Variants in SLC15A2 observed in about 807,000 individuals in gnomAD.
SLC15A2 encodes kidney H(+)/peptide cotransporter.
In SLC15A2, 77 loss-of-function variants were observed where a neutral mutation model predicts 95.5. That is an observed-to-expected ratio of 0.81 (90% CI 0.67 to 0.97). The LOEUF (loss-of-function observed/expected upper bound fraction) is 0.97. SLC15A2 is among the 50% of genes least tolerant of loss of function. SLC15A2 has a pLI of 0.00. For missense variants in SLC15A2, 893 were observed against 874.4 expected (o/e 1.02, Z -0.27); for synonymous variants, 306 against 306.9 (o/e 1.00, Z 0.03).
intron 11 of SLC15A2, among the ~76,000 whole-genome samples, chr3:121,923,838 G>A (rs1357975806): frequency 6.6e-6 from 1 of 152,154 alleles, no homozygotes; most frequent in Non-Finnish European, 1.5e-5. Context: ...AAAAGACAGA[G>A]TAGAATGATA....
intron 1 of SLC15A2, chr3:121,895,495 A>AT (rs1467443017): frequency 6.6e-6 from 1 of 152,168 alleles, no homozygotes; most frequent in Non-Finnish European, 1.5e-5. Flanking sequence ...TTACTTTATT[A>AT]TTTTGCCTAT....
Position 121,929,110 on chromosome 3 carries a change from C to A in SLC15A2, c.1470C>A (p.Val490=), listed in dbSNP as rs754416120. 3.5e-5 allele frequency: 56 copies of A among 1,613,756 alleles called. No individual in the cohort carries two copies. Among genetic ancestry groups the A allele is most frequent in the Non-Finnish European group, 4.6e-5 (54 of 1,179,842 alleles). Residue 490 remains valine, a synonymous_variant, in exon 16 of 22, where the codon GTC becomes GTA. Coordinates refer to ENST00000489711, the MANE Select transcript of SLC15A2 (RefSeq NM_021082.4). The part of the protein sequence containing the change: ...SVQEKNWYSL[V]IREDGNSISS... Reference sequence around the variant, plus strand: ...AGGAGAAGAACTGGTACAGTCTTGTCATTCGTGAAGATGGGAACAGTATCT... The same window carrying A: ...AGGAGAAGAACTGGTACAGTCTTGTAATTCGTGAAGATGGGAACAGTATCT...
At chr3:121,915,070 T>C (rs999707266) in intron 5 of SLC15A2, 157 bp from the exon 6 acceptor site, 1 of 1,177,598 alleles carries the variant, frequency 8.5e-7, no homozygotes, top group Admixed American at 2.5e-5. Context: ...CAGCCAGCAA[T>C]GTTTTTAAAT....
chr3:121,900,792 G>A (rs1709505601), intron 3 of SLC15A2, among the ~76,000 whole-genome samples: 1 of 151,626 alleles, frequency 6.6e-6, no homozygotes, highest in African/African-American at 2.4e-5. Context: ...TACTATAGCT[G>A]GAAGTAATAT....
chr3:121,907,788 G>A (rs1427403232), intron 3 of SLC15A2, among the ~76,000 whole-genome samples: 3 of 152,176 alleles, frequency 2.0e-5, no homozygotes, highest in African/African-American at 2.4e-5. Context: ...AGTGTCAGTT[G>A]GTCCCCACTG....
intron 19 of SLC15A2, among the ~76,000 whole-genome samples, chr3:121,938,569 A>T (rs1314744067): frequency 6.6e-6 from 1 of 151,896 alleles, no homozygotes. Context: ...AGGAAAGGGA[A>T]CTCCCTGACC....
At chr3:121,937,753 CTT>C (rs1710376243) in intron 19 of SLC15A2, among the ~76,000 whole-genome samples, 1 of 152,220 alleles carries the variant, frequency 6.6e-6, no homozygotes, top group South Asian at 2.1e-4. Context: ...CTGAAGCCTT[CTT>C]CTCTCAGCTC....
chr3:121,917,160 A>G (rs1471609881), intron 7 of SLC15A2, among the ~76,000 whole-genome samples: 1 of 152,116 alleles, frequency 6.6e-6, no homozygotes, highest in African/African-American at 2.4e-5. Context: ...TTTAACCAAC[A>G]TTTAATGAAC....
At chr3:121,918,072 A>T (rs2107590671) in intron 7 of SLC15A2, among the ~76,000 whole-genome samples, 1 of 152,360 alleles carries the variant, frequency 6.6e-6, no homozygotes, top group Non-Finnish European at 1.5e-5. Flanking sequence ...TTTTTCAATG[A>T]TGTTTCTATA....
chr3:121,920,954 C>T (rs893334015), intron 7 of SLC15A2, among the ~76,000 whole-genome samples: 9 of 152,108 alleles, frequency 5.9e-5, no homozygotes, highest in African/African-American at 2.2e-4. Context: ...GGGAGGGAAC[C>T]AAGATGGAGT....
chr3:121,910,017 A>G (rs988451625), intron 3 of SLC15A2, among the ~76,000 whole-genome samples: 1 of 151,732 alleles, frequency 6.6e-6, no homozygotes, highest in Non-Finnish European at 1.5e-5. Flanking sequence ...TCTAACATAG[A>G]TCATCTGTTT....
At chr3:121,903,115 C>T (rs1006000108) in intron 3 of SLC15A2, among the ~76,000 whole-genome samples, 52 of 152,194 alleles carry the variant, frequency 3.4e-4, no homozygotes, top group African/African-American at 1.2e-3. Context: ...TGATGATGAG[C>T]ATTTTTTCAT....
At chr3:121,926,984 C>A (rs1285778331) in intron 13 of SLC15A2, among the ~76,000 whole-genome samples, 1 of 152,200 alleles carries the variant, frequency 6.6e-6, no homozygotes, top group African/African-American at 2.4e-5. Flanking sequence ...GCCTGTAGCC[C>A]ATTTGTTTTG....
chr3:121,924,854 GAGAC>G (rs1386918608), intron 12 of SLC15A2, 87 bp from the exon 13 acceptor site: 2 of 901,532 alleles, frequency 2.2e-6, no homozygotes, highest in Admixed American at 1.7e-5. Flanking sequence ...GTGTAGATGT[GAGAC>G]AGAGTGTAAA....
At chr3:121,927,729 G>C (rs1016283469) in intron 13 of SLC15A2, 29 bp from the exon 14 acceptor site, 2 of 1,539,822 alleles carry the variant, frequency 1.3e-6, no homozygotes, top group Non-Finnish European at 1.8e-6. Flanking sequence ...CTAAAGTTTA[G>C]ATATAATTGT....
chr3:121,905,551 T>C (rs1486694218), intron 3 of SLC15A2, among the ~76,000 whole-genome samples: 1 of 152,248 alleles, frequency 6.6e-6, no homozygotes, highest in Non-Finnish European at 1.5e-5. Context: ...ATGTTGTGTC[T>C]TTGTTCTCAT....
intron 19 of SLC15A2, chr3:121,939,058 G>T (rs1431844079): frequency 1.2e-5 from 3 of 250,824 alleles, no homozygotes; most frequent in Non-Finnish European, 2.2e-5. Context: ...TGTTGTCCAG[G>T]ATCAAAATGC....
intron 19 of SLC15A2, among the ~76,000 whole-genome samples, chr3:121,938,427 G>A (rs866762459): frequency 2.6e-5 from 4 of 152,324 alleles, no homozygotes; most frequent in East Asian, 1.9e-4. Flanking sequence ...CTCCGTGGGC[G>A]TAGGACCCTC....
At position 121,928,705 on chromosome 3, in the gene SLC15A2, T is replaced by C. The variant is rs1360595900; in HGVS notation, c.1341+150T>C. ...AATGGGCATATAATATTCCATTCTA[T>C]AGATATACCATAGTTTATTTAGACA... On this transcript the variant is annotated intron_variant, in intron 15 of 21. Transcript: ENST00000489711. The C allele has an allele frequency of 3.3e-6, 3 of 902,734 alleles. No individual in the cohort carries two copies. The South Asian group carries it at 5.5e-5, about 16-fold the overall frequency. The allele number at this position is 902,734 out of a possible 1,614,324, so 55.9% of individuals were successfully genotyped here.
Sources: gnomAD v4.1 joint callset for allele counts (sites outside exome capture counted in the v4.1 genomes callset) on GRCh38, gnomAD v4.1.1 for gene constraint, MANE v1.5 for transcripts, NCBI Gene and HGNC (gene_info 2026-07-23, HGNC 2026-07-21) for gene names.